Variants in NECTIN3 observed in about 807,000 individuals in gnomAD.
NECTIN3 encodes the protein nectin cell adhesion molecule 3.
In NECTIN3, 8 loss-of-function variants were observed where a neutral mutation model predicts 49.4. That is an observed-to-expected ratio of 0.16 (90% CI 0.10 to 0.29). The LOEUF is 0.29. Among genes scored for constraint, NECTIN3 ranks in the 10% least tolerant of loss-of-function variants. NECTIN3 has a pLI of 1.00. For synonymous variants in NECTIN3, 277 were observed against 241.1 expected (o/e 1.15, Z -1.38); for missense variants, 581 against 654.6 (o/e 0.89, Z 1.23).
At chr3:111,103,495 C>T (rs1319721520) in intron 1 of NECTIN3, among the ~76,000 whole-genome samples, 1 of 149,646 alleles carries the variant, frequency 6.7e-6, no homozygotes, top group African/African-American at 2.5e-5. Context: ...TGTAACCTTG[C>T]TGTAATTGAT....
Position 111,125,339 on chromosome 3 carries a change from T to TA in NECTIN3, c.918-838dup, listed in dbSNP as rs536864149. Among the ~76,000 whole-genome samples, 929 of 151,602 alleles carry TA rather than the reference T, an allele frequency of 6.1e-3. 7 individuals are homozygous for TA. The highest frequency in any genetic ancestry group is 0.021 in the African/African-American group (857 of 41,042). ...CCACTGTGCCCGGCCTTATCCTCTT[T>TA]AAAAAAACCAAAAACAAACAAACAA... On this transcript the variant is annotated intron_variant, in intron 4 of 5. Coordinates refer to ENST00000485303, the MANE Select transcript of NECTIN3 (RefSeq NM_015480.3).
At chr3:111,182,437 T>C (rs2035643891) in intron 7 of NECTIN3, among the ~76,000 whole-genome samples, 1 of 152,174 alleles carries the variant, frequency 6.6e-6, no homozygotes, top group South Asian at 2.1e-4. Context: ...TATTTTCTAC[T>C]ACATTTGTGA....
chr3:111,124,253 T>C (rs979335470), intron 4 of NECTIN3, among the ~76,000 whole-genome samples: 1 of 152,170 alleles, frequency 6.6e-6, no homozygotes, highest in Non-Finnish European at 1.5e-5. Flanking sequence ...CTTTTTTGAG[T>C]AAATCATTTA....
At chr3:111,154,703 T>C (rs1249260518) in intron 7 of NECTIN3, among the ~76,000 whole-genome samples, 1 of 152,202 alleles carries the variant, frequency 6.6e-6, no homozygotes, top group Non-Finnish European at 1.5e-5. Context: ...TGGTTGTGTT[T>C]TATTTAGGTT....
chr3:111,134,364 AT>A lies in NECTIN3; in HGVS notation c.*150del. 1 of 1,399,824 alleles carries A rather than the reference AT, an allele frequency of 7.1e-7. No individual in the cohort carries two copies. Among genetic ancestry groups the A allele is most frequent in the Non-Finnish European group, 9.3e-7 (1 of 1,081,024 alleles). The allele number at this position is 1,399,824 out of a possible 1,614,324, so 86.7% of individuals were successfully genotyped here. A position where few individuals can be genotyped will look rare whatever the true frequency, so the allele number is the denominator to read the frequency against. ...TTATATTCTAATCTGACAAATGAAA[AT>A]GTAAAATCTGAGTTCAGTGTATCTA... On this transcript the variant is annotated 3_prime_UTR_variant, in exon 6 of 6. Transcript: ENST00000485303.
At chr3:111,146,306 C>T (rs1258734853) in intron 6 of NECTIN3, among the ~76,000 whole-genome samples, 2 of 150,214 alleles carry the variant, frequency 1.3e-5, no homozygotes, top group Non-Finnish European at 3.0e-5. Flanking sequence ...TAGTGGCGGG[C>T]GCCTGTAGTC....
At chr3:111,140,451 G>A (rs558102968), downstream of NECTIN3, among the ~76,000 whole-genome samples, 4 of 151,758 alleles carry the variant, frequency 2.6e-5, no homozygotes, top group Middle Eastern at 0.01. Context: ...TGTATTAAGA[G>A]TAAGATATTT....
rs541907414 is a variant in NECTIN3 at position 111,178,244 on chromosome 3, A to G, written c.1222-14107A>G. ...TGTGGGATAAAATATCCAATATTCT[A>G]TCTTGCAAATAAACCTCATGATAGC... On this transcript the variant is annotated intron_variant, in intron 7 of 8. Coordinates refer to the NECTIN3 transcript ENST00000493615. 5.9e-5 allele frequency among the ~76,000 whole-genome samples: 9 copies of G among 152,332 alleles called. No homozygotes were observed. In the East Asian group the frequency reaches 7.7e-4, roughly 13 times the overall value.
intron 1 of NECTIN3, among the ~76,000 whole-genome samples, chr3:111,089,434 T>C (rs2032125557): frequency 7.0e-6 from 1 of 142,432 alleles, no homozygotes; most frequent in Non-Finnish European, 1.5e-5. Context: ...TGTGTGTATG[T>C]ATATAAACAT....
chr3:111,138,857 G>A (rs918673936), downstream of NECTIN3, among the ~76,000 whole-genome samples: 2 of 151,518 alleles, frequency 1.3e-5, no homozygotes, highest in African/African-American at 2.4e-5. Flanking sequence ...TATGCAAGTT[G>A]TACAGTCTCA....
chr3:111,144,691 G>A (rs2034831803), intron 5 of NECTIN3, among the ~76,000 whole-genome samples: 1 of 151,858 alleles, frequency 6.6e-6, no homozygotes, highest in South Asian at 2.1e-4. Context: ...TTTTTAAAAA[G>A]TTAAGCTGAG....
At position 111,135,758 on chromosome 3, in the gene NECTIN3, A is replaced by G. The variant is rs1308414878; in HGVS notation, c.*1543A>G. 1 of 960,902 alleles carries G rather than the reference A, an allele frequency of 1.0e-6. No homozygotes were observed. The highest frequency in any genetic ancestry group is 1.2e-6 in the Non-Finnish European group (1 of 807,890). 59.5% of individuals were successfully genotyped at this position (960,902 alleles called of 1,614,324 possible). Reference sequence around the variant, plus strand: ...AACATTTAGGGGGCAAAATTCTAACATGTTCATGGTATCTTGCAAATAGTG... The same window carrying G: ...AACATTTAGGGGGCAAAATTCTAACGTGTTCATGGTATCTTGCAAATAGTG... On this transcript the variant is annotated 3_prime_UTR_variant, in exon 6 of 6. Transcript: ENST00000485303.
intron 7 of NECTIN3, among the ~76,000 whole-genome samples, chr3:111,159,147 T>C (rs914396225): frequency 9.9e-5 from 15 of 152,200 alleles, no homozygotes; most frequent in African/African-American, 3.4e-4. Flanking sequence ...TTGCTTAGTT[T>C]ACATAACAAT....
chr3:111,176,665 A>C (rs1453284802), intron 7 of NECTIN3, among the ~76,000 whole-genome samples: 1 of 149,834 alleles, frequency 6.7e-6, no homozygotes, highest in Non-Finnish European at 1.5e-5. Context: ...TGTTACCTTT[A>C]TTTTCTTTTT....
rs544951319 is a variant in NECTIN3, at chr3:111,086,532, C to T, written c.160+14355C>T. Among the ~76,000 whole-genome samples, 104 of 152,300 alleles carry T rather than the reference C, an allele frequency of 6.8e-4. 1 individual carries two copies. The highest frequency in any genetic ancestry group is 1.3e-3 in the Non-Finnish European group (90 of 68,004). On this transcript the variant is annotated intron_variant, in intron 1 of 5. Coordinates refer to ENST00000485303, the MANE Select transcript of NECTIN3 (RefSeq NM_015480.3). ...GGAAAAGACTCTCTGCTGTGCAATG[C>T]TGGCTTTATAATAAATCAAGTAGCC...
chr3:111,189,801 G>T (rs1435999390), upstream of NECTIN3, among the ~76,000 whole-genome samples: 2 of 152,184 alleles, frequency 1.3e-5, no homozygotes, highest in Admixed American at 1.3e-4. Context: ...CTAGATAGGG[G>T]GTGAATGAGA....
In NECTIN3 at chr3:111,119,032, C is replaced by T. The variant is rs2033830047; in HGVS notation, c.799+80C>T. 4 of 1,209,104 alleles carry T rather than the reference C, an allele frequency of 3.3e-6. No homozygotes were observed. The East Asian group carries it at 7.7e-5, about 23-fold the overall frequency. 74.9% of individuals were successfully genotyped at this position (1,209,104 alleles called of 1,614,324 possible). On this transcript the variant is annotated intron_variant, in intron 3 of 5. Transcript: ENST00000485303. The stretch of plus-strand genomic sequence containing the variant: ...TATTTTTAGTTTGAATATTTAATAG[C>T]TTTTCCTTGTTTTTGTTTTTCTTTT...
At chr3:111,109,800 T>TA (rs1294325812) in intron 1 of NECTIN3, among the ~76,000 whole-genome samples, 2 of 152,054 alleles carry the variant, frequency 1.3e-5, no homozygotes, top group Non-Finnish European at 2.9e-5. Flanking sequence ...ACCCTGTTTT[T>TA]AAAAAAATTT....
At chr3:111,153,095 A>T (rs887360062) in intron 7 of NECTIN3, among the ~76,000 whole-genome samples, 1 of 151,958 alleles carries the variant, frequency 6.6e-6, no homozygotes, top group African/African-American at 2.4e-5. Context: ...ATAGAGAAGT[A>T]TATGACTGAG....
Sources: gnomAD v4.1 joint callset for allele counts (sites outside exome capture counted in the v4.1 genomes callset) on GRCh38, gnomAD v4.1.1 for gene constraint, MANE v1.5 for transcripts, NCBI Gene and HGNC (gene_info 2026-07-23, HGNC 2026-07-21) for gene names.